MBD6: variants seen among roughly 807,000 people sequenced by gnomAD.
MBD6 encodes methyl-CpG binding domain protein 6.
MBD6 carries 22 observed loss-of-function variants against 66.8 expected under a neutral mutation model. That is an observed-to-expected ratio of 0.33 (90% CI 0.24 to 0.47). MBD6 has a LOEUF of 0.47. MBD6 is among the 20% of genes least tolerant of loss of function. MBD6 has a pLI of 1.00. For missense variants in MBD6, 1,322 were observed against 1,286.9 expected (o/e 1.03, Z -0.42); for synonymous variants, 540 against 534.6 (o/e 1.01, Z -0.14).
rs1308694726 is a variant in MBD6 at position 57,528,325 on chromosome 12, G to C, written c.2585G>C (p.Gly862Ala). Reference protein sequence around the residue: ...RGSGKRGRRGGGGLRGINGEA... With the variant: ...RGSGKRGRRGAGGLRGINGEA... ...TCAGGGAAACGGGGCCGGAGGGGAG[G>C]AGGGGGACTTAGGGGCATTAATGGT... Residue 862 changes from glycine (G) to alanine (A), a missense_variant, in exon 10 of 13, where the codon GGA becomes GCA. Gly to Ala is a moderately conservative substitution (Grantham distance 60, BLOSUM62 0). Transcript: ENST00000355673. The C allele has an allele frequency of 6.2e-7, 1 of 1,609,518 alleles. No individual in the cohort carries two copies. The highest frequency in any genetic ancestry group is 8.5e-7 in the Non-Finnish European group (1 of 1,177,932).
rs1322882063 is a variant in MBD6 at position 57,526,402 on chromosome 12, G to A, written c.1420+14G>A. On this transcript the variant is annotated intron_variant, in intron 6 of 12. Coordinates refer to ENST00000355673, the MANE Select transcript of MBD6 (RefSeq NM_052897.4). ...GCAGTGTGCCAGGTATGTGAGTATT[G>A]TGGAGCCCTTCCTCATCCTGGCTGG... 2 of 1,556,804 alleles carry A rather than the reference G, an allele frequency of 1.3e-6. No homozygotes were observed.
intron 1 of MBD6, 135 bp from the exon 2 acceptor site, chr12:57,523,894 C>T (rs1878634004): frequency 6.5e-6 from 1 of 154,594 alleles, no homozygotes; most frequent in African/African-American, 2.4e-5. Flanking sequence ...TAGACTAAGC[C>T]AGCAGATCCC....
chr12:57,520,773 G>A (rs1364060226), upstream of MBD6: 1 of 194,594 alleles, frequency 5.1e-6, no homozygotes, highest in Non-Finnish European at 1.0e-5. Context: ...GCGCGGAGGG[G>A]AGTGTAGCGG....
rs1201494681 is a variant in MBD6 at position 57,525,097 on chromosome 12, T to C, written c.361T>C (p.Cys121Arg). Residue 121 changes from cysteine (C) to arginine (R), a missense_variant, in exon 5 of 13, where the codon TGC becomes CGC. Cys to Arg is a radical substitution (Grantham distance 180). Transcript: ENST00000355673. ...TCTGTACCGCAGCATGGAGACCACC[T>C]GCTCACACTCTTCTCCTGGTGAGTC... is the stretch of plus-strand genomic sequence containing the variant. The part of the protein sequence containing the change: ...ATLYRSMETT[C>R]SHSSPGEGAS... 1.2e-6 allele frequency: 2 copies of C among 1,609,890 alleles called. No individual in the cohort carries two copies. The highest frequency in any genetic ancestry group is 3.4e-5 in the Admixed American group (2 of 58,496).
In MBD6 at chr12:57,524,756, C is replaced by G; in HGVS notation, c.150C>G (p.Thr50=). 6.2e-7 allele frequency: 1 copy of G among 1,614,214 alleles called. No individual in the cohort carries two copies. The highest frequency in any genetic ancestry group is 8.5e-7 in the Non-Finnish European group (1 of 1,180,026). ...SGTELSSLEQ[T]RSYLLSDGTC... ...CAGAGCTGTCTTCCTTGGAGCAAACCCGGAGCTACCTCCTCAGCGATGGGA... is the reference window on the plus strand; with the variant it reads ...CAGAGCTGTCTTCCTTGGAGCAAACGCGGAGCTACCTCCTCAGCGATGGGA... Residue 50 remains threonine (T), a synonymous_variant, in exon 4 of 13, where the codon ACC becomes ACG. Transcript: ENST00000355673.
chr12:57,531,442 G>A (rs1233474926), downstream of MBD6, among the ~76,000 whole-genome samples: 3 of 152,142 alleles, frequency 2.0e-5, no homozygotes, highest in South Asian at 2.1e-4. Context: ...GCTTGAGCCC[G>A]GGAGGTGGAG....
At chr12:57,521,871 T>A (rs1878365224), upstream of MBD6, 2 of 152,198 alleles carry the variant, frequency 1.3e-5, no homozygotes, top group African/African-American at 4.8e-5. Flanking sequence ...TGCCCTGGAC[T>A]GGGGAGACCG....
At chr12:57,527,357 T>TGG in intron 7 of MBD6, 130 bp downstream of exon 7, 4 of 1,170,752 alleles carry the variant, frequency 3.4e-6, no homozygotes, top group Non-Finnish European at 3.6e-6. Context: ...AGTTCTTGGC[T>TGG]GGGGGTAGGA....
chr12:57,526,134 C>G lies in MBD6; in HGVS notation c.1166C>G (p.Pro389Arg). The G allele has an allele frequency of 6.2e-7, 1 of 1,614,188 alleles. No homozygotes were observed. Among genetic ancestry groups the G allele is most frequent in the Non-Finnish European group, 8.5e-7 (1 of 1,180,024 alleles). ...CCTCAAACCCCTAGACGGAGCCGTC[C>G]TCGGGCCCCTGCTCCTGTCCCCCAA... ...RGPQTPRRSR[P>R]RAPAPVPQPF... is the part of the protein sequence containing the mutation. Residue 389 changes from proline (P) to arginine (R), a missense_variant, in exon 6 of 13, where the codon CCT (proline) becomes CGT (arginine). Transcript: ENST00000355673.
rs751699024 is a variant in MBD6 at position 57,526,061 on chromosome 12, C to T, written c.1093C>T (p.Arg365Cys). 18 of 1,613,940 alleles carry T rather than the reference C, an allele frequency of 1.1e-5. No individual in the cohort carries two copies. The highest frequency in any genetic ancestry group is 4.5e-5 in the East Asian group (2 of 44,870). ...HSSSLRPSQR[R>C]PRRPPTVFRL... ...CTCATCACTTCGTCCCTCTCAGCGT[C>T]GTCCCCGCAGACCCCCTACTGTATT... is the stretch of plus-strand genomic sequence containing the variant. Residue 365 changes from arginine to cysteine, a missense_variant, in exon 6 of 13, where the codon CGT becomes TGT. Coordinates refer to ENST00000355673, the MANE Select transcript of MBD6 (RefSeq NM_052897.4).
chr12:57,528,179 A>AC lies in MBD6; in HGVS notation c.2445dup (p.Glu816ArgfsTer32), dbSNP rs1594866756. The AC allele has an allele frequency of 2.5e-6, 4 of 1,606,024 alleles. No homozygotes were observed. The highest frequency in any genetic ancestry group is 2.5e-6 in the Non-Finnish European group (3 of 1,177,420). ...CAGAGCAGCCAGAAGCCCCCTGTCTACCCCCCGAGAGCCCTGCCTCAGCCC... is the reference window on the plus strand; with the variant it reads ...CAGAGCAGCCAGAAGCCCCCTGTCTACCCCCCCGAGAGCCCTGCCTCAGCCC... On this transcript the variant is annotated frameshift_variant, in exon 10 of 13. Coordinates refer to ENST00000355673, the MANE Select transcript of MBD6 (RefSeq NM_052897.4). LOFTEE classifies it high-confidence loss of function.
At chr12:57,527,802 A>G in intron 8 of MBD6, 46 bp from the exon 9 acceptor site, 1 of 1,600,130 alleles carries the variant, frequency 6.2e-7, no homozygotes, top group Non-Finnish European at 8.5e-7. Flanking sequence ...TGCTCAGCCT[A>G]ATTGGTTTGC....
rs761129930 is a variant in MBD6 at position 57,525,633 on chromosome 12, T to C, written c.665T>C (p.Leu222Pro). ...PAPPPPPAISLNAPSYNWGAA... is the reference protein window; with the variant it reads ...PAPPPPPAISPNAPSYNWGAA... ...CCACCTCCTCCACCTGCTATCAGCCTCAATGCTCCCTCATACAACTGGGGA... is the reference window on the plus strand; with the variant it reads ...CCACCTCCTCCACCTGCTATCAGCCCCAATGCTCCCTCATACAACTGGGGA... The change falls in exon 6 of 13, where the codon CTC becomes CCC. Residue 222 changes from leucine to proline, a missense_variant. By Grantham distance (98) the Leu-to-Pro change is moderately conservative (BLOSUM62 -3). Transcript: ENST00000355673. 6.2e-7 allele frequency: 1 copy of C among 1,613,610 alleles called. No homozygotes were observed. Among genetic ancestry groups the C allele is most frequent in the Non-Finnish European group, 8.5e-7 (1 of 1,179,842 alleles).
rs1879101274 is a variant in MBD6, at chr12:57,527,597, GC to G, written c.2178del (p.Ser727ProfsTer25). On this transcript the variant is annotated frameshift_variant, in exon 8 of 13. Transcript: ENST00000355673. LOFTEE classifies it high-confidence loss of function. ...CCCGGGGGCCTCCTCTCTGGGCAAG[GC>G]CCCCTCCAACTCAGGGAGACCCCCC... ...TDPGASSLGKAPSNSGRPPQL... is the reference protein window; with the variant it reads ...TDPGASSLGKXPSNSGRPPQL... The G allele has an allele frequency of 6.2e-7, 1 of 1,613,662 alleles. No homozygotes were observed.
rs757744202 is a variant in MBD6 at position 57,525,102 on chromosome 12, A to G, written c.366A>G (p.Ser122=). The part of the protein sequence containing the change: ...TLYRSMETTC[S]HSSPGEGASP... ...ACCGCAGCATGGAGACCACCTGCTC[A>G]CACTCTTCTCCTGGTGAGTCTTCTG... Residue 122 remains serine (S), a synonymous_variant, in exon 5 of 13, where the codon TCA becomes TCG. Coordinates refer to ENST00000355673, the MANE Select transcript of MBD6 (RefSeq NM_052897.4). 4.4e-6 allele frequency: 7 copies of G among 1,609,120 alleles called. No homozygotes were observed. Among genetic ancestry groups the G allele is most frequent in the Non-Finnish European group, 4.2e-6 (5 of 1,178,854 alleles).
chr12:57,529,042 G>T, intron 12 of MBD6, 33 bp downstream of exon 12: 7 of 1,613,948 alleles, frequency 4.3e-6, no homozygotes, highest in Non-Finnish European at 4.2e-6. Flanking sequence ...GGGTGGATGG[G>T]TAGGGTGTAA....
Position 57,526,253 on chromosome 12 carries a change from A to C in MBD6, c.1285A>C (p.Ser429Arg). The change falls in exon 6 of 13, where the codon AGC becomes CGC. Residue 429 changes from serine (S) to arginine (R), a missense_variant. Physicochemically the swap from Ser to Arg is moderately radical, Grantham distance 110. Transcript: ENST00000355673. ...CCCTGGCCCTTCCCACTCTGATGGAAGCTTTAACCTTTTGGGGTCAGATGC... is the reference window on the plus strand; with the variant it reads ...CCCTGGCCCTTCCCACTCTGATGGACGCTTTAACCTTTTGGGGTCAGATGC... Reference protein sequence around the residue: ...PTPGPSHSDGSFNLLGSDAHL... With the variant: ...PTPGPSHSDGRFNLLGSDAHL... 2 of 1,613,552 alleles carry C rather than the reference A, an allele frequency of 1.2e-6. No individual in the cohort carries two copies. Among genetic ancestry groups the C allele is most frequent in the Non-Finnish European group, 1.7e-6 (2 of 1,179,868 alleles).
rs750805821 is a variant in MBD6, at chr12:57,524,840, C to G, written c.216+18C>G. 1 of 1,613,404 alleles carries G rather than the reference C, an allele frequency of 6.2e-7. No individual in the cohort carries two copies. The highest frequency in any genetic ancestry group is 1.3e-5 in the African/African-American group (1 of 74,912). On this transcript the variant is annotated intron_variant, in intron 4 of 12. Coordinates refer to ENST00000355673, the MANE Select transcript of MBD6 (RefSeq NM_052897.4). ...TCCCCAAGGTCAGAGTGGTGAGGGG[C>G]GCCTGAGAGTACAGAGATAAGCTAA...
upstream of MBD6, chr12:57,522,755 A>G (rs867647169): frequency 2.3e-3 from 53 of 23,484 alleles, 1 homozygote; most frequent in South Asian, 4.5e-3. Context: ...CGGCTGCGGC[A>G]GCGACGGCGG....
Sources: gnomAD v4.1 joint callset for allele counts (sites outside exome capture counted in the v4.1 genomes callset) on GRCh38, gnomAD v4.1.1 for gene constraint, MANE v1.5 for transcripts, NCBI Gene and HGNC (gene_info 2026-07-23, HGNC 2026-07-21) for gene names.